RABGGTB: variants seen among roughly 807,000 people sequenced by gnomAD.
RABGGTB encodes the protein Rab geranylgeranyltransferase subunit beta, also known as geranylgeranyl transferase type-2 subunit beta.
A neutral mutation model predicts 44.5 loss-of-function variants in RABGGTB; 20 were observed. The ratio of observed to expected loss-of-function variants is 0.45; its 90% CI spans 0.32 to 0.65. RABGGTB has a LOEUF of 0.65. Ranked by LOEUF, RABGGTB falls within the 30% of genes least tolerant of loss-of-function variation. RABGGTB has a pLI of 0.05. For synonymous variants in RABGGTB, 128 were observed against 136.7 expected (o/e 0.94, Z 0.44); for missense variants, 302 against 398.7 (o/e 0.76, Z 2.06).
chr1:75,789,519 A>T, intron 3 of RABGGTB, 163 bp downstream of exon 3: 1 of 825,038 alleles, frequency 1.2e-6, no homozygotes, highest in South Asian at 1.3e-5. Flanking sequence ...TCTAAAGTTG[A>T]TGTGAGTTCT....
intron 4 of RABGGTB, chr1:75,790,558 G>T (rs1649621834): frequency 1.2e-6 from 1 of 837,020 alleles, no homozygotes; most frequent in Non-Finnish European, 1.4e-6. Context: ...AATACTTTGG[G>T]TTCTATTAGT....
At chr1:75,793,002 CGG>C (rs1393446125) in intron 7 of RABGGTB, among the ~76,000 whole-genome samples, 3 of 152,062 alleles carry the variant, frequency 2.0e-5, no homozygotes, top group Non-Finnish European at 2.9e-5. Context: ...TTATTAGAGA[CGG>C]GGTTTCACCA....
At chr1:75,791,912 TGCC>T in intron 6 of RABGGTB, 1 of 402,832 alleles carries the variant, frequency 2.5e-6, no homozygotes. Context: ...TCTTTTCTTG[TGCC>T]AGAGAACACT....
At chr1:75,794,274 C>T (rs774794935) in intron 8 of RABGGTB, 41 bp downstream of exon 8, 9 of 1,561,874 alleles carry the variant, frequency 5.8e-6, no homozygotes, top group South Asian at 3.6e-5. Context: ...ATTATTTCAG[C>T]GTTTGCATTA....
chr1:75,791,133 A>G (rs1649636204), intron 4 of RABGGTB, 152 bp from the exon 5 acceptor site: 1 of 658,720 alleles, frequency 1.5e-6, no homozygotes. Flanking sequence ...TGGGAAGTAA[A>G]GGCACTTCAG....
chr1:75,787,296 C>G (rs1011745176), intron 1 of RABGGTB: 1 of 615,134 alleles, frequency 1.6e-6, no homozygotes, highest in Non-Finnish European at 2.9e-6. Flanking sequence ...GACACAACCT[C>G]AGTTCACTGC....
chr1:75,787,077 A>G (rs761599497), intron 1 of RABGGTB: 40 of 522,322 alleles, frequency 7.7e-5, no homozygotes, highest in Middle Eastern at 3.1e-4. Flanking sequence ...TTTTGGGTCA[A>G]TGATGAGTTG....
intron 6 of RABGGTB, 149 bp downstream of exon 6, chr1:75,791,720 A>C: frequency 4.4e-6 from 3 of 681,286 alleles, no homozygotes; most frequent in Non-Finnish European, 7.4e-6. Flanking sequence ...CTTAATTGCT[A>C]TCATTACTTT....
chr1:75,792,738 A>G (rs1649675480), intron 7 of RABGGTB, among the ~76,000 whole-genome samples: 2 of 152,232 alleles, frequency 1.3e-5, no homozygotes, highest in Non-Finnish European at 2.9e-5. Context: ...ATTTGCAACT[A>G]TGTAATTGTC....
chr1:75,789,407 C>A (rs1343774261), intron 3 of RABGGTB, 51 bp downstream of exon 3: 2 of 1,556,664 alleles, frequency 1.3e-6, no homozygotes, highest in South Asian at 1.1e-5. Context: ...TCTCTTACTT[C>A]AGAGTTGGAA....
chr1:75,790,743 ATCTTGGC>A (rs1234288902), intron 4 of RABGGTB, among the ~76,000 whole-genome samples: 2 of 152,026 alleles, frequency 1.3e-5, no homozygotes, highest in African/African-American at 2.4e-5. Context: ...CAGTGGTGCA[ATCTTGGC>A]TCACTGCAAC....
Position 75,789,228 on chromosome 1 carries a change from G to A in RABGGTB, c.181G>A (p.Gly61Arg). Residue 61 changes from glycine to arginine, a missense_variant, in exon 3 of 9, where the codon GGA (glycine) becomes AGA (arginine). Gly to Arg is a moderately radical substitution (Grantham distance 125, BLOSUM62 -2). Around this residue, in one of 2 missense-constraint regions of RABGGTB, gnomAD observed 89 missense variants for 75.0 expected, o/e 1.19. Transcript: ENST00000319942. ...YWGLTVMDLM[G>R]QLHRMNREEI... ...GGGTCTGACAGTAATGGATCTCATG[G>A]GACAACTTCATCGCATGAATAGAGA... is the stretch of plus-strand genomic sequence containing the variant. 1 of 1,613,952 alleles carries A rather than the reference G, an allele frequency of 6.2e-7. No individual in the cohort carries two copies. The highest frequency in any genetic ancestry group is 8.5e-7 in the Non-Finnish European group (1 of 1,179,890).
rs35837562 is a variant in RABGGTB, at chr1:75,791,389, ATT to A, written c.469-59_469-58del. On this transcript the variant is annotated intron_variant, in intron 5 of 8. Coordinates refer to ENST00000319942, the MANE Select transcript of RABGGTB (RefSeq NM_004582.4). Reference sequence around the variant, plus strand: ...GATTAAAGTTCATGAATACTCTGGAATTTTTTTTTTTTTTGAGTCTGATCTGC... The same window carrying A: ...GATTAAAGTTCATGAATACTCTGGAATTTTTTTTTTTTGAGTCTGATCTGC... 938 of 1,379,430 alleles carry A rather than the reference ATT, an allele frequency of 6.8e-4. 4 individuals carry two copies. The South Asian group carries it at 8.5e-3, about 12-fold the overall frequency. The allele number at this position is 1,379,430 out of a possible 1,614,324, so 85.4% of individuals were successfully genotyped here. A position where few individuals can be genotyped will look rare whatever the true frequency, so the allele number is the denominator to read the frequency against.
chr1:75,789,321 G>T lies in RABGGTB; in HGVS notation c.274G>T (p.Asp92Tyr). 6.2e-7 allele frequency: 1 copy of T among 1,614,046 alleles called. No individual in the cohort carries two copies. The highest frequency in any genetic ancestry group is 1.3e-5 in the African/African-American group (1 of 75,024). ...TGGAATAAGTGCTAGTATCGGACAT[G>T]ATCCTCATCTTTTATACACTCTTAG... ...CGGISASIGH[D>Y]PHLLYTLSAV... is the part of the protein sequence containing the mutation. Residue 92 changes from aspartate to tyrosine, a missense_variant, in exon 3 of 9, where the codon GAT becomes TAT. Asp to Tyr is a radical substitution (Grantham distance 160, BLOSUM62 -3). This residue lies in a region of RABGGTB where 213 missense variants were observed against 323.7 expected (regional missense o/e 0.66). Coordinates refer to ENST00000319942, the MANE Select transcript of RABGGTB (RefSeq NM_004582.4).
intron 7 of RABGGTB, chr1:75,793,420 G>GT (rs1295492925): frequency 1.3e-5 from 2 of 152,216 alleles, no homozygotes; most frequent in African/African-American, 4.8e-5. Context: ...TTAAACCTTA[G>GT]TATTTCTGAA....
At position 75,791,498 on chromosome 1, in the gene RABGGTB, A is replaced by C; in HGVS notation, c.506A>C (p.Glu169Ala). 1 of 1,613,166 alleles carries C rather than the reference A, an allele frequency of 6.2e-7. No individual in the cohort carries two copies. Among genetic ancestry groups the C allele is most frequent in the Non-Finnish European group, 8.5e-7 (1 of 1,179,882 alleles). ...LDAINVEKAI[E>A]FVLSCMNFDG... ...GCTATTAATGTGGAAAAGGCAATCG[A>C]ATTTGTTTTATCCTGTATGAACTTT... Residue 169 changes from glutamate to alanine, a missense_variant, in exon 6 of 9, where the codon GAA becomes GCA. Coordinates refer to ENST00000319942, the MANE Select transcript of RABGGTB (RefSeq NM_004582.4).
chr1:75,789,379 AC>A, intron 3 of RABGGTB, 23 bp downstream of exon 3: 1 of 1,594,674 alleles, frequency 6.3e-7, no homozygotes, highest in South Asian at 1.1e-5. Context: ...CAAAATTGCA[AC>A]GATCTTGATA....
chr1:75,790,520 A>G, intron 4 of RABGGTB: 1 of 993,276 alleles, frequency 1.0e-6, no homozygotes, highest in Non-Finnish European at 1.2e-6. Flanking sequence ...AAAGTAGGGT[A>G]AGTTTATTTC....
intron 1 of RABGGTB, chr1:75,787,021 A>C (rs1247217152): frequency 2.0e-6 from 1 of 501,664 alleles, no homozygotes; most frequent in Non-Finnish European, 4.0e-6. Context: ...TTTTTTACTT[A>C]TCTTTTTGAA....
Sources: allele counts gnomAD v4.1 joint callset (sites outside exome capture counted in the v4.1 genomes callset), GRCh38; gene constraint gnomAD v4.1.1; regional missense constraint gnomAD v4.1.1; transcripts MANE v1.5; gene names NCBI Gene and HGNC (gene_info 2026-07-23, HGNC 2026-07-21).